HINT3: variants seen among roughly 807,000 people sequenced by gnomAD.
HINT3 encodes adenosine 5'-monophosphoramidase HINT3.
A neutral mutation model predicts 19.1 loss-of-function variants in HINT3; 16 were observed. That is an observed-to-expected ratio of 0.84 (90% confidence interval 0.57 to 1.27). HINT3 has a LOEUF of 1.27. Among genes scored for constraint, HINT3 ranks in the 50% most tolerant of loss-of-function variants. The pLI is 0.00. For missense variants in HINT3, 197 were observed against 225.8 expected (o/e 0.87, Z 0.82); for synonymous variants, 75 against 84.8 (o/e 0.88, Z 0.63).
intron 1 of HINT3, among the ~76,000 whole-genome samples, chr6:125,959,373 A>G (rs6925412): frequency 0.58 from 88,891 of 152,054 alleles, 27,652 homozygotes; most frequent in East Asian, 0.95. Context: ...GGAACGCTGG[A>G]AAGGCTAAGA....
intron 2 of HINT3, among the ~76,000 whole-genome samples, chr6:125,970,439 A>C (rs1193745027): frequency 6.6e-6 from 1 of 152,174 alleles, no homozygotes; most frequent in African/African-American, 2.4e-5. Flanking sequence ...ATTCAGCAGA[A>C]GTGGAGAATA....
At chr6:125,975,670 C>T (rs755553091) in intron 4 of HINT3, among the ~76,000 whole-genome samples, 3 of 151,752 alleles carry the variant, frequency 2.0e-5, no homozygotes, top group Non-Finnish European at 2.9e-5. Context: ...CTCCGCCTCC[C>T]GGGTTCAAGC....
chr6:125,964,763 C>G (rs1788993174), intron 1 of HINT3, among the ~76,000 whole-genome samples: 1 of 151,560 alleles, frequency 6.6e-6, no homozygotes, highest in Non-Finnish European at 1.5e-5. Flanking sequence ...CACACACACA[C>G]ACACACACAC....
At chr6:125,972,963 T>G (rs935704959) in intron 3 of HINT3, among the ~76,000 whole-genome samples, 1 of 152,150 alleles carries the variant, frequency 6.6e-6, no homozygotes, top group African/African-American at 2.4e-5. Flanking sequence ...TAGAAAAATT[T>G]TATATGATTT....
At chr6:125,976,875 C>A (rs1488236099) in intron 4 of HINT3, among the ~76,000 whole-genome samples, 1 of 152,132 alleles carries the variant, frequency 6.6e-6, no homozygotes, top group Non-Finnish European at 1.5e-5. Context: ...ATGTAACTCA[C>A]AGACTTTAGT....
chr6:125,956,993 GTGAACCGCAGCGCCGGCC>G lies in HINT3; in HGVS notation c.19_36del (p.Asn7_Leu12del). Reference sequence around the variant, plus strand: ...GGCGGGTGCAATGGCGGAGGAACAGGTGAACCGCAGCGCCGGCCTGGCCCCCGACTGTGAGGCCTCGGC... The same window carrying G: ...GGCGGGTGCAATGGCGGAGGAACAGGTGGCCCCCGACTGTGAGGCCTCGGC... On this transcript the variant is annotated inframe_deletion, in exon 1 of 5. Transcript: ENST00000229633. 1 of 1,550,216 alleles carries G rather than the reference GTGAACCGCAGCGCCGGCC, an allele frequency of 6.5e-7. No homozygotes were observed.
At chr6:125,959,759 G>A (rs1788890871) in intron 1 of HINT3, among the ~76,000 whole-genome samples, 1 of 152,186 alleles carries the variant, frequency 6.6e-6, no homozygotes, top group African/African-American at 2.4e-5. Context: ...ATCCCAGTGG[G>A]AAGATGCCTA....
At chr6:125,975,734 T>C (rs539938488) in intron 4 of HINT3, among the ~76,000 whole-genome samples, 7 of 152,126 alleles carry the variant, frequency 4.6e-5, no homozygotes. Context: ...CATGCCACCA[T>C]GCCCAGCTAA....
In HINT3 at chr6:125,972,231, G is replaced by A. The variant is rs781178315; in HGVS notation, c.320-28G>A. 6.0e-5 allele frequency: 87 copies of A among 1,454,262 alleles called. 1 individual carries two copies. In the Admixed American group the frequency reaches 1.7e-3, roughly 28 times the overall value. 90.1% of individuals were successfully genotyped at this position (1,454,262 alleles called of 1,614,324 possible). A position where few individuals can be genotyped will look rare whatever the true frequency, so the allele number is the denominator to read the frequency against. ...TTGTGACCTTAATGTCTCCTCTAGT[G>A]TAATGTTGTGTCTTTTCTGTTTTAC... On this transcript the variant is annotated intron_variant, in intron 2 of 4. Coordinates refer to ENST00000229633, the MANE Select transcript of HINT3 (RefSeq NM_138571.5).
intron 1 of HINT3, among the ~76,000 whole-genome samples, chr6:125,960,919 C>T (rs1365265246): frequency 2.0e-5 from 3 of 152,056 alleles, no homozygotes; most frequent in Non-Finnish European, 4.4e-5. Flanking sequence ...ACTCAGAGTT[C>T]AATATTTAGT....
intron 3 of HINT3, among the ~76,000 whole-genome samples, chr6:125,974,106 A>G (rs972202341): frequency 1.3e-5 from 2 of 152,322 alleles, no homozygotes; most frequent in Middle Eastern, 3.4e-3. Flanking sequence ...CCACTCACTG[A>G]TACCTTGAAC....
intron 3 of HINT3, 109 bp downstream of exon 3, chr6:125,972,437 T>A: frequency 1.6e-6 from 1 of 634,904 alleles, no homozygotes; most frequent in Non-Finnish European, 2.6e-6. Flanking sequence ...GGTTTAAATG[T>A]AGTTTTCCTG....
chr6:125,973,322 G>A (rs555248148), intron 3 of HINT3, among the ~76,000 whole-genome samples: 4 of 151,970 alleles, frequency 2.6e-5, no homozygotes, highest in South Asian at 2.1e-4. Context: ...CAAGTGATCC[G>A]CCCGCCTTGG....
chr6:125,972,275 T>G lies in HINT3; in HGVS notation c.336T>G (p.Thr112=), dbSNP rs895609362. Residue 112 remains threonine (T), a synonymous_variant, in exon 3 of 5, where the codon ACT becomes ACG. Transcript: ENST00000229633. The stretch of plus-strand genomic sequence containing the variant: ...GTTTTACAGTTGAGAACATGGTAAC[T>G]GTTGGAAAAACCATTCTTGAAAGAA... ...DQVELVENMV[T]VGKTILERNN... is the part of the protein sequence containing the mutation. 2.5e-6 allele frequency: 4 copies of G among 1,581,376 alleles called. No homozygotes were observed. The African/African-American group carries it at 5.5e-5, about 22-fold the overall frequency.
rs1450354628 is a variant in HINT3 at position 125,962,282 on chromosome 6, A to G, written c.202-4605A>G. 8.8e-5 allele frequency among the ~76,000 whole-genome samples: 3 copies of G among 33,938 alleles called. 1 individual carries two copies. Among genetic ancestry groups the G allele is most frequent in the Non-Finnish European group, 1.3e-4 (3 of 22,338 alleles). 22.3% of individuals were successfully genotyped at this position (33,938 alleles called of 152,430 possible). On this transcript the variant is annotated intron_variant, in intron 1 of 4. Transcript: ENST00000229633. ...TATATATATATATACATACATATAT[A>G]TATACACATATATATATATATATAT...
In HINT3 at chr6:125,957,141, G is replaced by A. The variant is rs200559049; in HGVS notation, c.164G>A (p.Gly55Glu). The part of the protein sequence containing the change: ...DSTCVFCRIA[G>E]RQDPGTELLH... ...ACCTGCGTGTTCTGCCGGATCGCGGGGCGGCAGGACCCGGGCACCGAACTC... is the reference window on the plus strand; with the variant it reads ...ACCTGCGTGTTCTGCCGGATCGCGGAGCGGCAGGACCCGGGCACCGAACTC... The change falls in exon 1 of 5, where the codon GGG becomes GAG. Residue 55 changes from glycine to glutamate, a missense_variant. Gly to Glu is a moderately conservative substitution (Grantham distance 98). Transcript: ENST00000229633. 4.2e-5 allele frequency: 65 copies of A among 1,550,198 alleles called. No individual in the cohort carries two copies. In the East Asian group the frequency reaches 1.2e-3, roughly 29 times the overall value.
Position 125,974,933 on chromosome 6 carries a change from C to T in HINT3, c.476C>T (p.Ser159Phe), listed in dbSNP as rs1378401893. The T allele has an allele frequency of 6.2e-7, 1 of 1,613,956 alleles. No homozygotes were observed. Among genetic ancestry groups the T allele is most frequent in the South Asian group, 1.1e-5 (1 of 91,072 alleles). The change falls in exon 4 of 5, where the codon TCC (serine) becomes TTC (phenylalanine). Residue 159 changes from serine (S) to phenylalanine (F), a missense_variant. Ser to Phe is a radical substitution (Grantham distance 155, BLOSUM62 -2). Transcript: ENST00000229633. ...CCAGTGGATCAGCTTGGCTTCTTAT[C>T]CAAGTTGGTTTATAGAGTCAATTCC... ...LAPVDQLGFLSKLVYRVNSYW... is the reference protein window; with the variant it reads ...LAPVDQLGFLFKLVYRVNSYW...
At chr6:125,960,667 A>AGGGGGG (rs1562211515) in intron 1 of HINT3, among the ~76,000 whole-genome samples, 1 of 39,726 alleles carries the variant, frequency 2.5e-5, no homozygotes, top group Admixed American at 4.1e-4. Flanking sequence ...GGGGGGGGGA[A>AGGGGGG]AAAAAAAGAA....
chr6:125,964,279 T>C (rs1788985553), intron 1 of HINT3, among the ~76,000 whole-genome samples: 1 of 152,226 alleles, frequency 6.6e-6, no homozygotes, highest in African/African-American at 2.4e-5. Context: ...ATTGCTTTTT[T>C]TTCTTGTGAA....
Sources: gnomAD v4.1 joint callset for allele counts (sites outside exome capture counted in the v4.1 genomes callset) on GRCh38, gnomAD v4.1.1 for gene constraint, MANE v1.5 for transcripts, NCBI Gene and HGNC (gene_info 2026-07-23, HGNC 2026-07-21) for gene names.